Variants in CNTN4 observed in about 807,000 individuals in gnomAD.
The protein encoded by CNTN4 is contactin 4.
CNTN4 carries 77 observed loss-of-function variants against 122.5 expected under a neutral mutation model. The ratio of observed to expected loss-of-function variants is 0.63; its 90% CI spans 0.52 to 0.76. The LOEUF is 0.76. Among genes scored for constraint, CNTN4 ranks in the 30% least tolerant of loss-of-function variants. The pLI is 0.00. For synonymous variants in CNTN4, 512 were observed against 447.0 expected (o/e 1.15, Z -1.83); for missense variants, 1,256 against 1,259.1 (o/e 1.00, Z 0.04).
At chr3:2,871,110 CAAGCAGTCCAG>C (rs1297314246) in intron 8 of CNTN4, among the ~76,000 whole-genome samples, 6 of 152,268 alleles carry the variant, frequency 3.9e-5, no homozygotes, top group African/African-American at 1.4e-4. Context: ...ATCCCGAAGC[CAAGCAGTCCAG>C]GCAGAGTTCA....
intron 3 of CNTN4, among the ~76,000 whole-genome samples, chr3:2,456,005 G>A (rs1286273012): frequency 6.6e-6 from 1 of 152,092 alleles, no homozygotes; most frequent in Non-Finnish European, 1.5e-5. Flanking sequence ...GCTAGGCACA[G>A]TAGATTATTT....
intron 2 of CNTN4, among the ~76,000 whole-genome samples, chr3:2,331,041 C>A (rs1397250505): frequency 6.6e-6 from 1 of 151,924 alleles, no homozygotes; most frequent in East Asian, 1.9e-4. Context: ...ACAATTGTGC[C>A]TTTTTTTGTG....
chr3:3,011,267 C>T (rs2125503601), intron 14 of CNTN4, among the ~76,000 whole-genome samples: 1 of 152,250 alleles, frequency 6.6e-6, no homozygotes. Flanking sequence ...GGCTATGCCC[C>T]ATAAACTACT....
chr3:2,729,663 C>A (rs2088527359), intron 4 of CNTN4, among the ~76,000 whole-genome samples: 1 of 151,894 alleles, frequency 6.6e-6, no homozygotes, highest in East Asian at 1.9e-4. Flanking sequence ...GCCTGTAATC[C>A]CGGCACTTTG....
chr3:2,333,892 G>A (rs765720671), intron 2 of CNTN4, among the ~76,000 whole-genome samples: 16 of 89,858 alleles, frequency 1.8e-4, no homozygotes, highest in South Asian at 1.3e-3. Flanking sequence ...ATTCAGGTTG[G>A]GTTTTAACTA....
At chr3:2,845,323 A>G (rs1282484595) in intron 7 of CNTN4, among the ~76,000 whole-genome samples, 1 of 152,148 alleles carries the variant, frequency 6.6e-6, no homozygotes, top group Non-Finnish European at 1.5e-5. Context: ...TGAAAATAAC[A>G]ACCCTAGTCC....
chr3:3,022,071 C>CA (rs36094888), intron 14 of CNTN4, among the ~76,000 whole-genome samples: 185 of 110,558 alleles, frequency 1.7e-3, no homozygotes, highest in East Asian at 4.9e-3. Flanking sequence ...ACCAAGAATT[C>CA]AAAAAAAAAA....
intron 2 of CNTN4, among the ~76,000 whole-genome samples, chr3:2,132,016 A>G (rs2034473660): frequency 6.6e-6 from 1 of 152,182 alleles, no homozygotes. Context: ...TAACCAGCAG[A>G]TGCAGTAGGG....
Position 2,900,589 on chromosome 3 carries a change from A to G in CNTN4, c.941-96A>G, listed in dbSNP as rs1577206373. On this transcript the variant is annotated intron_variant, in intron 10 of 24. Transcript: ENST00000418658. ...GCATAACATCTGGAAAAGGAATTTT[A>G]TTATAAGTGTACTTTTGCCCTTTGA... The G allele has an allele frequency of 7.2e-6, 9 of 1,245,134 alleles. No individual in the cohort carries two copies. The East Asian group carries it at 2.3e-4, about 31-fold the overall frequency. The allele number at this position is 1,245,134 out of a possible 1,614,324, so 77.1% of individuals were successfully genotyped here.
intron 2 of CNTN4, among the ~76,000 whole-genome samples, chr3:2,199,969 G>C (rs980187168): frequency 2.0e-5 from 3 of 152,126 alleles, no homozygotes; most frequent in African/African-American, 7.2e-5. Context: ...ATGAAGATGA[G>C]CTATCAGAGA....
At chr3:2,699,023 TA>T (rs11334621) in intron 4 of CNTN4, among the ~76,000 whole-genome samples, 111,329 of 149,088 alleles carry the variant, frequency 0.75, 41,569 homozygotes, top group East Asian at 0.83. Flanking sequence ...GACTCTGTCT[TA>T]AAAAAAAAAA....
intron 3 of CNTN4, among the ~76,000 whole-genome samples, chr3:2,450,775 A>G (rs1186677090): frequency 2.6e-5 from 4 of 152,248 alleles, no homozygotes; most frequent in East Asian, 3.8e-4. Flanking sequence ...CTTGTCCCCA[A>G]GAAGAGTCAA....
chr3:2,766,735 A>C (rs1330598606), intron 6 of CNTN4, among the ~76,000 whole-genome samples: 3 of 152,166 alleles, frequency 2.0e-5, no homozygotes, highest in Admixed American at 1.3e-4. Context: ...GTTCCCCCAA[A>C]TCCTATGGAA....
chr3:2,301,007 A>G (rs1023319025), intron 2 of CNTN4, among the ~76,000 whole-genome samples: 6 of 152,256 alleles, frequency 3.9e-5, no homozygotes, highest in Admixed American at 2.6e-4. Flanking sequence ...TCCTTTTGAA[A>G]ATATTGCTGT....
intron 4 of CNTN4, among the ~76,000 whole-genome samples, chr3:2,596,920 C>T (rs2080797001): frequency 6.6e-6 from 1 of 151,930 alleles, no homozygotes; most frequent in African/African-American, 2.4e-5. Flanking sequence ...GTACTGTGTC[C>T]AGGACACAGT....
intron 3 of CNTN4, among the ~76,000 whole-genome samples, chr3:2,448,518 A>G (rs1450119044): frequency 6.6e-6 from 1 of 152,102 alleles, no homozygotes; most frequent in Non-Finnish European, 1.5e-5. Context: ...TCTCCCCAGG[A>G]TCTAAATTGA....
chr3:2,116,373 A>G (rs113614060), intron 2 of CNTN4, among the ~76,000 whole-genome samples: 1,535 of 152,184 alleles, frequency 0.01, 10 homozygotes, highest in Non-Finnish European at 0.016. Context: ...TGTTTATGGG[A>G]CTAAATATAA....
chr3:2,320,656 G>A (rs1166029203), intron 2 of CNTN4, among the ~76,000 whole-genome samples: 1 of 152,068 alleles, frequency 6.6e-6, no homozygotes, highest in Non-Finnish European at 1.5e-5. Flanking sequence ...GCTGTTCTAA[G>A]TTGTTTGTGT....
intron 3 of CNTN4, among the ~76,000 whole-genome samples, chr3:2,361,387 T>A (rs533228643): frequency 1.2e-3 from 181 of 152,292 alleles, no homozygotes; most frequent in Non-Finnish European, 2.1e-3. Flanking sequence ...ATAGGTGCTA[T>A]TTTGTAACCA....
Sources: gnomAD v4.1 joint callset for allele counts (sites outside exome capture counted in the v4.1 genomes callset) on GRCh38, gnomAD v4.1.1 for gene constraint, MANE v1.5 for transcripts, NCBI Gene and HGNC (gene_info 2026-07-23, HGNC 2026-07-21) for gene names.